CCL5: variants seen among roughly 807,000 people sequenced by gnomAD.
The protein encoded by CCL5 is C-C motif chemokine 5.
CCL5 carries 5 observed loss-of-function variants against 9.0 expected under a neutral mutation model. The ratio of observed to expected loss-of-function variants is 0.55; its 90% CI spans 0.29 to 1.16. CCL5 has a LOEUF of 1.16. Ranked by LOEUF, CCL5 falls within the 50% of genes most tolerant of loss-of-function variation. The pLI is 0.08. For missense variants in CCL5, 183 were observed against 183.2 expected, an observed-to-expected ratio of 1.00 and a Z score of 0.01; for synonymous variants, 66 against 72.0, an observed-to-expected ratio of 0.92 and a Z score of 0.42.
chr17:35,878,282 C>CCA (rs2088468298), intron 2 of CCL5, among the ~76,000 whole-genome samples: 1 of 31,974 alleles, frequency 3.1e-5, no homozygotes, highest in African/African-American at 1.1e-4. Context: ...GACTCTGTCT[C>CCA]AAAAAAAAAA....
At chr17:35,878,282 CAAAAAAAAAAAAAAAAA>C (rs4013866) in intron 2 of CCL5, among the ~76,000 whole-genome samples, 3 of 31,974 alleles carry the variant, frequency 9.4e-5, no homozygotes, top group Non-Finnish European at 1.8e-4. Context: ...GACTCTGTCT[CAAAAAAAAAAAAAAAAA>C]AAAAAAAAAA....
In CCL5 at chr17:35,872,380, G is replaced by A; in HGVS notation, c.355C>T (p.Leu119=). Residue 119 remains leucine, a synonymous_variant, in exon 4 of 4, where the codon CTA becomes TTA. Coordinates refer to ENST00000651122, the MANE Select transcript of CCL5 (RefSeq NM_001278736.2). ...TCAGGTTCAAGGACTCTCCATCCTA[G>A]CTCATCTCCAAAGAGTTGATGTACT... 6.2e-7 allele frequency: 1 copy of A among 1,613,732 alleles called. No individual in the cohort carries two copies. The highest frequency in any genetic ancestry group is 8.5e-7 in the Non-Finnish European group (1 of 1,179,910).
At chr17:35,875,471 G>T in intron 3 of CCL5, 2 of 469,396 alleles carry the variant, frequency 4.3e-6, no homozygotes, top group Non-Finnish European at 5.6e-6. Context: ...GTGCAGAGAT[G>T]AAAAGGGAAC....
rs774917541 is a variant in CCL5 at position 35,880,338 on chromosome 17, G to A, written c.-33C>T. Reference sequence around the variant, plus strand: ...GTGGGAGAGGCTGTGCGAGGTCCACGTGCTGTCTTGATCCTCTGCAGGAAT... The same window carrying A: ...GTGGGAGAGGCTGTGCGAGGTCCACATGCTGTCTTGATCCTCTGCAGGAAT... On this transcript the variant is annotated 5_prime_UTR_variant, in exon 1 of 4. It adds an upstream start codon to the 5' untranslated region. Transcript: ENST00000651122. The A allele has an allele frequency of 5.1e-6, 8 of 1,560,984 alleles. No homozygotes were observed. Among genetic ancestry groups the A allele is most frequent in the South Asian group, 2.3e-5 (2 of 86,954 alleles).
Position 35,875,653 on chromosome 17 carries a change from A to C in CCL5, c.189-11T>G. On this transcript the variant is annotated splice_polypyrimidine_tract_variant and intron_variant, in intron 2 of 3. Transcript: ENST00000651122. ...ATCCTTGACCTGTGGCTAGGAAGTC[A>C]AAAGGCCAGGAAAACAATACCTGAG... The C allele has an allele frequency of 3.1e-6, 3 of 982,464 alleles. No individual in the cohort carries two copies. The highest frequency in any genetic ancestry group is 3.6e-6 in the Non-Finnish European group (3 of 827,228). 60.9% of individuals were successfully genotyped at this position (982,464 alleles called of 1,614,324 possible).
chr17:35,878,628 T>G lies in CCL5; in HGVS notation c.88A>C (p.Thr30Pro). The G allele has an allele frequency of 6.2e-7, 1 of 1,611,638 alleles. No homozygotes were observed. The highest frequency in any genetic ancestry group is 8.5e-7 in the Non-Finnish European group (1 of 1,178,344). The change falls in exon 2 of 4, where the codon ACC becomes CCC. Residue 30 changes from threonine to proline, a missense_variant. By Grantham distance (38) the Thr-to-Pro change is conservative. Coordinates refer to ENST00000651122, the MANE Select transcript of CCL5 (RefSeq NM_001278736.2). ...ATGTAGGCAAAGCAGCAGGGTGTGG[T>G]GTCCGAGGAATCTGGAAGAGGAAAG...
intron 2 of CCL5, among the ~76,000 whole-genome samples, chr17:35,876,010 G>A (rs546665264): frequency 6.6e-6 from 1 of 152,274 alleles, no homozygotes; most frequent in Admixed American, 6.5e-5. Flanking sequence ...ACGCAATAAT[G>A]CATTTAGATG....
intron 2 of CCL5, among the ~76,000 whole-genome samples, chr17:35,876,748 C>A (rs1027575450): frequency 3.0e-4 from 45 of 152,188 alleles, no homozygotes; most frequent in African/African-American, 1.1e-3. Context: ...CCTGACACTC[C>A]GTGCTTTCCT....
In CCL5 at chr17:35,872,451, T is replaced by A. The variant is rs376930383; in HGVS notation, c.284A>T (p.Lys95Ile). The change falls in exon 4 of 4, where the codon AAA (lysine) becomes ATA (isoleucine). Residue 95 changes from lysine to isoleucine, a missense_variant. Coordinates refer to ENST00000651122, the MANE Select transcript of CCL5 (RefSeq NM_001278736.2). ...GGGTTGGCACACACTTGGCGGTTCTTTCGGGTGACAAAGCTGTGGGAGAGG... is the reference window on the plus strand; with the variant it reads ...GGGTTGGCACACACTTGGCGGTTCTATCGGGTGACAAAGCTGTGGGAGAGG... 30 of 1,613,898 alleles carry A rather than the reference T, an allele frequency of 1.9e-5. No individual in the cohort carries two copies. Among genetic ancestry groups the A allele is most frequent in the Non-Finnish European group, 1.8e-5 (21 of 1,180,004 alleles).
At chr17:35,878,349 A>T in intron 2 of CCL5, among the ~76,000 whole-genome samples, 179 bp downstream of exon 2, 1 of 149,800 alleles carries the variant, frequency 6.7e-6, no homozygotes. Context: ...TGGAGTGGGC[A>T]CGATTCTCTA....
At chr17:35,876,455 G>T (rs1445757745) in intron 2 of CCL5, among the ~76,000 whole-genome samples, 1 of 152,120 alleles carries the variant, frequency 6.6e-6, no homozygotes, top group Non-Finnish European at 1.5e-5. Flanking sequence ...CACTTCTCCA[G>T]CCAGAGGTGG....
At chr17:35,872,798 C>T (rs1036922779) in intron 3 of CCL5, among the ~76,000 whole-genome samples, 1 of 152,206 alleles carries the variant, frequency 6.6e-6, no homozygotes, top group Non-Finnish European at 1.5e-5. Context: ...TCCTCTGCTC[C>T]AGGCCTTGTG....
intron 3 of CCL5, among the ~76,000 whole-genome samples, chr17:35,875,386 T>C (rs2088429529): frequency 6.6e-6 from 1 of 152,232 alleles, no homozygotes; most frequent in Non-Finnish European, 1.5e-5. Context: ...TGAGGATTTC[T>C]TGGTTTCTCT....
chr17:35,878,067 G>A (rs1033550040), intron 2 of CCL5, among the ~76,000 whole-genome samples: 6 of 151,894 alleles, frequency 4.0e-5, no homozygotes, highest in African/African-American at 9.7e-5. Context: ...GGTAGATCAC[G>A]AGGGCAGGAG....
At chr17:35,878,398 ACT>A (rs2088470906) in intron 2 of CCL5, 128 bp downstream of exon 2, 1 of 647,310 alleles carries the variant, frequency 1.5e-6, no homozygotes, top group Admixed American at 2.3e-5. Context: ...ATAGCAGGGG[ACT>A]CTGAGGCTAG....
chr17:35,873,961 T>A (rs1054754882), intron 3 of CCL5, among the ~76,000 whole-genome samples: 1 of 152,088 alleles, frequency 6.6e-6, no homozygotes, highest in African/African-American at 2.4e-5. Flanking sequence ...ATCTCTATAG[T>A]CATTGATGAT....
At position 35,878,529 on chromosome 17, in the gene CCL5, C is replaced by A. The variant is rs766662990; in HGVS notation, c.187G>T (p.Val63Phe). 2 of 1,610,488 alleles carry A rather than the reference C, an allele frequency of 1.2e-6. No individual in the cohort carries two copies. Among genetic ancestry groups the A allele is most frequent in the South Asian group, 2.2e-5 (2 of 90,996 alleles). Residue 63 changes from valine (V) to phenylalanine (F), a missense_variant and splice_region_variant, in exon 2 of 4, where the codon GTC becomes TTC. Val to Phe is a conservative substitution (Grantham distance 50). Transcript: ENST00000651122. ...GGGCTCCATGGGGCTGAGACTCACA[C>A]GACTGCTGGGTTGGAGCACTTGCCA...
chr17:35,874,300 A>G (rs2088414352), intron 3 of CCL5, among the ~76,000 whole-genome samples: 1 of 152,042 alleles, frequency 6.6e-6, no homozygotes, highest in Non-Finnish European at 1.5e-5. Context: ...AAGTTTATTT[A>G]TTTATTTTTA....
chr17:35,880,123 T>C, intron 1 of CCL5, 107 bp downstream of exon 1: 1 of 818,810 alleles, frequency 1.2e-6, no homozygotes, highest in South Asian at 1.4e-5. Flanking sequence ...ACAGTATTCA[T>C]GCTACAGTTG....
Sources: allele counts gnomAD v4.1 joint callset (sites outside exome capture counted in the v4.1 genomes callset), GRCh38; gene constraint gnomAD v4.1.1; transcripts MANE v1.5; gene names NCBI Gene and HGNC (gene_info 2026-07-23, HGNC 2026-07-21).